The following CERS3 variants were observed in gnomAD, a reference collection of about 807,000 sequenced individuals.
CERS3 encodes the protein LAG1 homolog, ceramide synthase 3.
In CERS3, 33 loss-of-function variants were observed where a neutral mutation model predicts 50.3. That is an observed-to-expected ratio of 0.66 (90% CI 0.50 to 0.88). The LOEUF is 0.88. Ranked by LOEUF, CERS3 falls within the 40% of genes least tolerant of loss-of-function variation. The probability of loss-of-function intolerance (pLI) is 0.00; values close to 1 mark genes in which losing one functional copy is unlikely to be tolerated. For missense variants in CERS3, 470 were observed against 460.3 expected, an observed-to-expected ratio of 1.02 and a Z score of -0.19; for synonymous variants, 176 against 155.2, an observed-to-expected ratio of 1.13 and a Z score of -0.99.
chr15:100,491,408 T>A (rs1726874484), intron 3 of CERS3, among the ~76,000 whole-genome samples: 2 of 152,194 alleles, frequency 1.3e-5, no homozygotes, highest in African/African-American at 4.8e-5. Flanking sequence ...TACATTTAAC[T>A]TTATAAAAAA....
At chr15:100,428,193 C>T (rs1226187358) in intron 11 of CERS3, among the ~76,000 whole-genome samples, 1 of 152,204 alleles carries the variant, frequency 6.6e-6, no homozygotes, top group African/African-American at 2.4e-5. Flanking sequence ...TGGCTGGCAA[C>T]TGTTTTCTTT....
intron 9 of CERS3, among the ~76,000 whole-genome samples, chr15:100,471,584 A>C (rs1645987235): frequency 6.6e-6 from 1 of 152,184 alleles, no homozygotes. Flanking sequence ...TGTGGTCTTA[A>C]TCTTCTGTCA....
intron 2 of CERS3, 26 bp from the exon 3 acceptor site, chr15:100,501,876 G>A: frequency 6.2e-7 from 1 of 1,608,472 alleles, no homozygotes; most frequent in Non-Finnish European, 8.5e-7. Flanking sequence ...CAGACATTAG[G>A]CTTGTAAAAC....
intron 11 of CERS3, among the ~76,000 whole-genome samples, chr15:100,441,374 A>G (rs2033675733): frequency 6.6e-6 from 1 of 150,990 alleles, no homozygotes; most frequent in South Asian, 2.1e-4. Flanking sequence ...CTGCACCCCA[A>G]TCCCTTATTT....
At chr15:100,530,219 C>T (rs2142409236), upstream of CERS3, among the ~76,000 whole-genome samples, 1 of 152,364 alleles carries the variant, frequency 6.6e-6, no homozygotes, top group South Asian at 2.1e-4. Context: ...GGTTTCCTGA[C>T]ATGAGGCTTC....
chr15:100,406,900 A>C (rs1489373075), intron 11 of CERS3, among the ~76,000 whole-genome samples: 1 of 152,234 alleles, frequency 6.6e-6, no homozygotes, highest in Admixed American at 6.5e-5. Context: ...GAAAGCAAGG[A>C]GGAGCAAGTC....
chr15:100,495,317 C>T (rs2035778080), intron 3 of CERS3, among the ~76,000 whole-genome samples: 1 of 152,216 alleles, frequency 6.6e-6, no homozygotes, highest in Non-Finnish European at 1.5e-5. Flanking sequence ...ACACAGCTTG[C>T]TATTCCTTCC....
intron 11 of CERS3, among the ~76,000 whole-genome samples, chr15:100,424,583 C>A (rs2032684749): frequency 6.6e-6 from 1 of 152,142 alleles, no homozygotes; most frequent in African/African-American, 2.4e-5. Context: ...GCATTATGCC[C>A]CTGCTCTAGG....
In CERS3 at chr15:100,484,671, G is replaced by T; in HGVS notation, c.289-3C>A. 3 of 1,587,220 alleles carry T rather than the reference G, an allele frequency of 1.9e-6. No homozygotes were observed. Among genetic ancestry groups the T allele is most frequent in the Non-Finnish European group, 1.7e-6 (2 of 1,155,668 alleles). On this transcript the variant is annotated splice_polypyrimidine_tract_variant and splice_region_variant and intron_variant, in intron 4 of 11. Coordinates refer to ENST00000679737, the MANE Select transcript of CERS3 (RefSeq NM_001378789.1). ...TTTGCCAGTCCATAAATATCAGTCT[G>T]AAAAGGGATGAAACGCATAAATGAG...
intron 9 of CERS3, among the ~76,000 whole-genome samples, chr15:100,469,743 T>G (rs1220567402): frequency 1.3e-5 from 2 of 152,234 alleles, no homozygotes; most frequent in East Asian, 3.8e-4. Context: ...AGAAATATAT[T>G]TAAATGCCTG....
In CERS3 at chr15:100,405,122, AAGAC is replaced by A. The variant is rs2030888957; in HGVS notation, c.1000-2261_1000-2258del. The stretch of plus-strand genomic sequence containing the variant: ...CATCAAAATTAAAAACTTTTGCCCT[AAGAC>A]AGACACTATTCAGAGAATGAAAGGA... On this transcript the variant is annotated intron_variant, in intron 11 of 11. Transcript: ENST00000679737. Among the ~76,000 whole-genome samples, 16 of 152,238 alleles carry A rather than the reference AAGAC, an allele frequency of 1.1e-4. No individual in the cohort carries two copies. The South Asian group carries it at 2.9e-3, about 28-fold the overall frequency.
At chr15:100,526,021 AC>A (rs1300390750) in intron 1 of CERS3, among the ~76,000 whole-genome samples, 1 of 152,160 alleles carries the variant, frequency 6.6e-6, no homozygotes, top group Non-Finnish European at 1.5e-5. Context: ...AGAAGAATCT[AC>A]CTGCATCTGA....
intron 5 of CERS3, among the ~76,000 whole-genome samples, chr15:100,483,248 G>A (rs1388990562): frequency 1.3e-5 from 2 of 152,136 alleles, no homozygotes; most frequent in East Asian, 3.9e-4. Context: ...ATCTGCTGGT[G>A]TACACTCCCA....
chr15:100,515,200 A>G (rs559477211), intron 2 of CERS3, among the ~76,000 whole-genome samples: 2 of 152,368 alleles, frequency 1.3e-5, no homozygotes, highest in African/African-American at 2.4e-5. Flanking sequence ...GATTTGAAGT[A>G]AGGCAAGTTT....
Position 100,447,966 on chromosome 15 carries a change from C to T in CERS3, c.999+7927G>A, listed in dbSNP as rs141259431. Among the ~76,000 whole-genome samples the T allele has an allele frequency of 9.0e-3, 1,368 of 152,238 alleles. 24 individuals are homozygous for T. Among genetic ancestry groups the T allele is most frequent in the Admixed American group, 0.049 (755 of 15,302 alleles). The stretch of plus-strand genomic sequence containing the variant: ...TAAAAGTTTGAATCAATAGTCTAAT[C>T]AATTTGTTATTATTTAGAGAAGATG... On this transcript the variant is annotated intron_variant, in intron 11 of 11. Transcript: ENST00000679737.
intron 11 of CERS3, among the ~76,000 whole-genome samples, chr15:100,417,441 G>A (rs1278085960): frequency 6.6e-6 from 1 of 152,058 alleles, no homozygotes; most frequent in Admixed American, 6.5e-5. Flanking sequence ...ACCCCACGGA[G>A]TCTCGCTGAT....
intron 7 of CERS3, among the ~76,000 whole-genome samples, chr15:100,478,754 C>G (rs1480396766): frequency 6.6e-6 from 1 of 151,870 alleles, no homozygotes; most frequent in South Asian, 2.1e-4. Flanking sequence ...ATCTTTCTGA[C>G]AAACAAAATC....
intron 11 of CERS3, among the ~76,000 whole-genome samples, chr15:100,438,819 G>A (rs1240890296): frequency 6.6e-6 from 1 of 152,234 alleles, no homozygotes; most frequent in Non-Finnish European, 1.5e-5. Flanking sequence ...CTACTCACCA[G>A]CACAAGATAT....
chr15:100,463,806 C>CAA (rs2034628025), intron 10 of CERS3, among the ~76,000 whole-genome samples: 2 of 152,150 alleles, frequency 1.3e-5, no homozygotes, highest in Non-Finnish European at 2.9e-5. Context: ...TTGCTGGTTG[C>CAA]GCAAACGGCA....
Sources: gnomAD v4.1 joint callset for allele counts (sites outside exome capture counted in the v4.1 genomes callset) on GRCh38, gnomAD v4.1.1 for gene constraint, MANE v1.5 for transcripts, NCBI Gene and HGNC (gene_info 2026-07-23, HGNC 2026-07-21) for gene names.